Variants in PLXNA4 observed in about 807,000 individuals in gnomAD.
The protein encoded by PLXNA4 is plexin-A4.
In PLXNA4, 44 loss-of-function variants were observed where a neutral mutation model predicts 191.8. The ratio of observed to expected loss-of-function variants is 0.23; its 90% CI spans 0.18 to 0.29. PLXNA4 has a LOEUF of 0.29. PLXNA4 is among the 10% of genes least tolerant of loss of function. The pLI, the probability that PLXNA4 is intolerant of heterozygous loss-of-function variation, is 1.00. For missense variants in PLXNA4, 1,800 were observed against 2,488.8 expected, an observed-to-expected ratio of 0.72 and a Z score of 5.89; for synonymous variants, 1,082 against 1,009.5, an observed-to-expected ratio of 1.07 and a Z score of -1.36.
At chr7:132,203,771 T>A (rs1217941907) in intron 10 of PLXNA4, among the ~76,000 whole-genome samples, 1 of 152,002 alleles carries the variant, frequency 6.6e-6, no homozygotes, top group Admixed American at 6.5e-5. Flanking sequence ...TCCTGAGAGG[T>A]AAAACCGAGG....
intron 3 of PLXNA4, among the ~76,000 whole-genome samples, chr7:132,353,741 G>A (rs1221136469): frequency 1.3e-5 from 2 of 152,112 alleles, no homozygotes; most frequent in Non-Finnish European, 2.9e-5. Flanking sequence ...CTATGGTTGA[G>A]AGGCAGAGAA....
chr7:132,274,820 C>T (rs1314410116), intron 4 of PLXNA4, among the ~76,000 whole-genome samples: 1 of 134,422 alleles, frequency 7.4e-6, no homozygotes, highest in Admixed American at 8.1e-5. Flanking sequence ...GTCACCCAGG[C>T]TGGTCTTGAA....
At chr7:132,401,996 C>T (rs1794006116) in intron 3 of PLXNA4, among the ~76,000 whole-genome samples, 1 of 152,096 alleles carries the variant, frequency 6.6e-6, no homozygotes, top group Admixed American at 6.5e-5. Flanking sequence ...TGTCACTTTG[C>T]CTGACTGCAC....
At chr7:132,203,190 G>A in intron 11 of PLXNA4, 133 bp downstream of exon 11, 1 of 763,470 alleles carries the variant, frequency 1.3e-6, no homozygotes, top group Non-Finnish European at 2.2e-6. Flanking sequence ...CTGTGAAGGA[G>A]GGGCTCAGAG....
chr7:132,486,370 C>T (rs928939074), intron 3 of PLXNA4, among the ~76,000 whole-genome samples: 10 of 151,844 alleles, frequency 6.6e-5, no homozygotes, highest in African/African-American at 2.4e-4. Flanking sequence ...GTGGGGAATT[C>T]TATTGTTCAA....
Position 132,227,625 on chromosome 7 carries a change from G to A in PLXNA4, c.1729-21C>T. The A allele has an allele frequency of 1.9e-6, 3 of 1,613,978 alleles. No homozygotes were observed. The East Asian group carries it at 6.7e-5, about 36-fold the overall frequency. On this transcript the variant is annotated intron_variant, in intron 6 of 31. Coordinates refer to ENST00000321063, the MANE Select transcript of PLXNA4 (RefSeq NM_020911.2). ...ACCAGCTGTGAACAGCCAGGCGGGG[G>A]GAGAGAAGGAGGAGGGTGAAATGGG...
At chr7:132,338,707 T>G (rs947104636) in intron 3 of PLXNA4, among the ~76,000 whole-genome samples, 2 of 152,142 alleles carry the variant, frequency 1.3e-5, no homozygotes, top group African/African-American at 4.8e-5. Flanking sequence ...GACCACATTA[T>G]AAATATCAGG....
At chr7:132,526,552 T>C (rs1351792386) in intron 1 of PLXNA4, among the ~76,000 whole-genome samples, 1 of 152,196 alleles carries the variant, frequency 6.6e-6, no homozygotes, top group Non-Finnish European at 1.5e-5. Flanking sequence ...AAATTGCTGA[T>C]TTGACTTCTA....
intron 25 of PLXNA4, among the ~76,000 whole-genome samples, chr7:132,155,554 C>T (rs562037632): frequency 1.2e-4 from 19 of 152,292 alleles, no homozygotes; most frequent in Admixed American, 5.2e-4. Context: ...CAAACAGGTA[C>T]CTACCCTGCC....
chr7:132,277,163 G>T (rs940969040), intron 4 of PLXNA4, among the ~76,000 whole-genome samples: 1 of 152,138 alleles, frequency 6.6e-6, no homozygotes, highest in Non-Finnish European at 1.5e-5. Context: ...TTGCTTAGAA[G>T]TCAATTACTA....
Position 132,130,393 on chromosome 7 carries a change from G to A in PLXNA4, c.*86C>T, listed in dbSNP as rs938368764. The A allele has an allele frequency of 1.4e-5, 22 of 1,589,408 alleles. No homozygotes were observed. Among genetic ancestry groups the A allele is most frequent in the Middle Eastern group, 1.7e-4 (1 of 5,862 alleles). On this transcript the variant is annotated 3_prime_UTR_variant, in exon 32 of 32. Coordinates refer to ENST00000321063, the MANE Select transcript of PLXNA4 (RefSeq NM_020911.2). ...TCAGGGGATGCTGCTGATGCCAGTC[G>A]GAACTTGCACTTGGTAAAGATGATA...
chr7:132,632,286 G>A (rs1803507997), intron 2 of PLXNA4, among the ~76,000 whole-genome samples: 1 of 150,988 alleles, frequency 6.6e-6, no homozygotes, highest in Non-Finnish European at 1.5e-5. Context: ...AAATTTCTTA[G>A]GTAGAATTTC....
intron 25 of PLXNA4, among the ~76,000 whole-genome samples, chr7:132,159,038 G>C (rs1795874314): frequency 6.6e-6 from 1 of 152,188 alleles, no homozygotes; most frequent in Admixed American, 6.5e-5. Flanking sequence ...AAAAATTATA[G>C]GCATGGAACT....
chr7:132,620,368 C>T (rs1255691292), intron 2 of PLXNA4, among the ~76,000 whole-genome samples: 1 of 151,850 alleles, frequency 6.6e-6, no homozygotes, highest in Admixed American at 6.6e-5. Context: ...ATGATAAATG[C>T]CATTGGTATT....
Position 132,636,463 on chromosome 7 carries a change from A to G in PLXNA4, c.-87+9465T>C, listed in dbSNP as rs908807001. On this transcript the variant is annotated intron_variant, in intron 2 of 4. Coordinates refer to the PLXNA4 transcript ENST00000378539. ...TAAGAATCTGTGAGCTTCAGAGACC[A>G]CATCAAGGAAGAGCCCCCCCAGGAG... Among the ~76,000 whole-genome samples, 6 of 152,182 alleles carry G rather than the reference A, an allele frequency of 3.9e-5. No individual in the cohort carries two copies. The East Asian group carries it at 1.2e-3, about 29-fold the overall frequency.
At chr7:132,486,595 G>C (rs572788870) in intron 3 of PLXNA4, among the ~76,000 whole-genome samples, 8 of 152,152 alleles carry the variant, frequency 5.3e-5, no homozygotes, top group Non-Finnish European at 8.8e-5. Context: ...GGCTTTCCCC[G>C]GGAGGACCGA....
At chr7:132,205,717 G>A (rs897312815) in intron 10 of PLXNA4, among the ~76,000 whole-genome samples, 6 of 152,178 alleles carry the variant, frequency 3.9e-5, no homozygotes, top group Non-Finnish European at 4.4e-5. Context: ...ATCACCTAGA[G>A]GCAGTGCTGG....
intron 3 of PLXNA4, among the ~76,000 whole-genome samples, chr7:132,357,214 A>G (rs1803744643): frequency 6.6e-6 from 1 of 152,172 alleles, no homozygotes; most frequent in Non-Finnish European, 1.5e-5. Flanking sequence ...GGAAATGATA[A>G]TCTTTGCAGG....
At chr7:132,365,755 A>C (rs181230080) in intron 3 of PLXNA4, among the ~76,000 whole-genome samples, 48 of 152,310 alleles carry the variant, frequency 3.2e-4, no homozygotes, top group Non-Finnish European at 5.3e-4. Context: ...CAGATCCCTG[A>C]GGAAATTATT....
Sources: allele counts gnomAD v4.1 joint callset (sites outside exome capture counted in the v4.1 genomes callset), GRCh38; gene constraint gnomAD v4.1.1; transcripts MANE v1.5; gene names NCBI Gene and HGNC (gene_info 2026-07-23, HGNC 2026-07-21).